RC3H2: variants seen among roughly 807,000 people sequenced by gnomAD.
RC3H2 encodes the protein roquin-2.
RC3H2 carries 31 observed loss-of-function variants against 133.3 expected under a neutral mutation model. The ratio of observed to expected loss-of-function variants is 0.23; its 90% confidence interval spans 0.17 to 0.31. RC3H2 has a LOEUF of 0.31. Among genes scored for constraint, RC3H2 ranks in the 10% least tolerant of loss-of-function variants. The probability of loss-of-function intolerance (pLI) is 1.00; values close to 1 mark genes in which losing one functional copy is unlikely to be tolerated. For synonymous variants in RC3H2, 517 were observed against 502.2 expected (o/e 1.03, Z -0.40); for missense variants, 1,175 against 1,437.2 (o/e 0.82, Z 2.95).
At chr9:122,867,325 T>G (rs1430975130) in intron 9 of RC3H2, among the ~76,000 whole-genome samples, 2 of 92,718 alleles carry the variant, frequency 2.2e-5, no homozygotes, top group Non-Finnish European at 4.6e-5. Flanking sequence ...GTCCGGGAGG[T>G]GAGGGGCGCC....
intron 10 of RC3H2, among the ~76,000 whole-genome samples, chr9:122,864,625 C>CTT (rs1172225857): frequency 2.1e-5 from 3 of 143,202 alleles, no homozygotes; most frequent in Non-Finnish European, 3.1e-5. Context: ...GAGTCCCCTC[C>CTT]TTTTTTTTTT....
At chr9:122,892,633 G>A (rs983825410) in intron 3 of RC3H2, among the ~76,000 whole-genome samples, 3 of 152,086 alleles carry the variant, frequency 2.0e-5, no homozygotes, top group East Asian at 1.9e-4. Context: ...GGATAGTCTC[G>A]ATCTTCTGAT....
At chr9:122,861,837 A>G (rs1406955504) in intron 10 of RC3H2, among the ~76,000 whole-genome samples, 1 of 152,226 alleles carries the variant, frequency 6.6e-6, no homozygotes, top group African/African-American at 2.4e-5. Flanking sequence ...AATGTAAAAA[A>G]TAACTAAGGA....
chr9:122,884,118 C>G (rs1034965970), intron 4 of RC3H2, among the ~76,000 whole-genome samples: 1 of 152,062 alleles, frequency 6.6e-6, no homozygotes, highest in Non-Finnish European at 1.5e-5. Context: ...CATGGTGAAA[C>G]CCCGCCTCTA....
At chr9:122,860,365 C>G (rs1356657120) in intron 10 of RC3H2, among the ~76,000 whole-genome samples, 2 of 151,480 alleles carry the variant, frequency 1.3e-5, no homozygotes, top group Admixed American at 6.6e-5. Flanking sequence ...AAAACGATTC[C>G]CAGATATTAA....
intron 18 of RC3H2, among the ~76,000 whole-genome samples, chr9:122,852,439 C>T (rs1239920096): frequency 9.6e-5 from 14 of 145,712 alleles, no homozygotes; most frequent in African/African-American, 1.5e-4. Flanking sequence ...CCAGCCGCCC[C>T]GTCCGGGAGG....
chr9:122,897,485 T>C lies in RC3H2; in HGVS notation c.25A>G (p.Thr9Ala). 6.2e-7 allele frequency: 1 copy of C among 1,613,782 alleles called. No homozygotes were observed. The highest frequency in any genetic ancestry group is 8.5e-7 in the Non-Finnish European group (1 of 1,179,790). The part of the protein sequence containing the change: MPVQAAQW[T>A]EFLSCPICYN... ...CAGATTGGACAGGACAGAAATTCTG[T>C]CCATTGAGCTGCCTGCACAGGCATT... The change falls in exon 2 of 21, where the codon ACA (threonine) becomes GCA (alanine). Residue 9 changes from threonine to alanine, a missense_variant. Physicochemically the swap from Thr to Ala is moderately conservative, Grantham distance 58 (BLOSUM62 0). Transcript: ENST00000357244.
chr9:122,865,620 T>C lies in RC3H2; in HGVS notation c.1363A>G (p.Arg455Gly). The C allele has an allele frequency of 6.2e-7, 1 of 1,613,646 alleles. No individual in the cohort carries two copies. Among genetic ancestry groups the C allele is most frequent in the Non-Finnish European group, 8.5e-7 (1 of 1,179,966 alleles). ...ACTTTATTTAGAAGAGGAAACGTTC[T>C]TACAGTGGCATTGATCTTTTTGTTC... ...LRNKKINATVRTFPLLNKVGV... is the reference protein window; with the variant it reads ...LRNKKINATVGTFPLLNKVGV... The change falls in exon 10 of 21, where the codon AGA becomes GGA. Residue 455 changes from arginine to glycine, a missense_variant. This residue lies in a region of RC3H2 where 490 missense variants were observed against 492.8 expected (regional missense o/e 0.99). Transcript: ENST00000357244.
At chr9:122,851,842 C>T (rs1323183882) in intron 18 of RC3H2, among the ~76,000 whole-genome samples, 1 of 152,222 alleles carries the variant, frequency 6.6e-6, no homozygotes, top group East Asian at 1.9e-4. Flanking sequence ...GATCTCGGCT[C>T]GCTACAACCT....
At position 122,859,252 on chromosome 9, in the gene RC3H2, C is replaced by T. The variant is rs1312685156; in HGVS notation, c.1850-150G>A. 5.7e-4 allele frequency: 108 copies of T among 190,824 alleles called. 2 individuals carry two copies. Among genetic ancestry groups the T allele is most frequent in the East Asian group, 2.3e-3 (8 of 3,462 alleles). 11.8% of individuals were successfully genotyped at this position (190,824 alleles called of 1,614,324 possible). ...TGCTTTATAAAGCTTTATACCCTGG[C>T]TTTTTTTTTTTTTTTTTTTTTTGGT... On this transcript the variant is annotated intron_variant, in intron 11 of 20. Transcript: ENST00000357244.
chr9:122,877,681 C>A, intron 8 of RC3H2, 98 bp from the exon 9 acceptor site: 1 of 839,000 alleles, frequency 1.2e-6, no homozygotes, highest in South Asian at 1.5e-5. Flanking sequence ...ACCTTTAATT[C>A]TTTTTCACAT....
intron 9 of RC3H2, among the ~76,000 whole-genome samples, chr9:122,875,782 GAGA>G (rs1831307820): frequency 6.6e-6 from 1 of 152,332 alleles, no homozygotes; most frequent in South Asian, 2.1e-4. Context: ...CACAAACTGA[GAGA>G]AGGTCAGTGT....
At chr9:122,866,590 G>T (rs1010096769) in intron 9 of RC3H2, among the ~76,000 whole-genome samples, 3 of 152,072 alleles carry the variant, frequency 2.0e-5, no homozygotes, top group Admixed American at 6.5e-5. Context: ...TTTTTTTGGT[G>T]AAGACGGGGT....
At chr9:122,891,393 T>C (rs1832163503) in intron 3 of RC3H2, among the ~76,000 whole-genome samples, 1 of 152,156 alleles carries the variant, frequency 6.6e-6, no homozygotes, top group Non-Finnish European at 1.5e-5. Flanking sequence ...TTTCCTAGTC[T>C]AGTGCCTTAA....
At chr9:122,887,255 A>C (rs1429920631) in intron 4 of RC3H2, among the ~76,000 whole-genome samples, 1 of 152,194 alleles carries the variant, frequency 6.6e-6, no homozygotes. Context: ...TCAATATATA[A>C]GAACTCTCCC....
chr9:122,898,718 C>A lies in RC3H2; in HGVS notation c.-67-1142G>T, dbSNP rs186490241. ...GAGCCGAGATCACGTCATCGCACTCCAGCCTGGACAAAAAGAGCGAAACTT... is the reference window on the plus strand; with the variant it reads ...GAGCCGAGATCACGTCATCGCACTCAAGCCTGGACAAAAAGAGCGAAACTT... On this transcript the variant is annotated intron_variant, in intron 1 of 20. Transcript: ENST00000357244. Among the ~76,000 whole-genome samples, 89 of 144,646 alleles carry A rather than the reference C, an allele frequency of 6.2e-4. 1 individual carries two copies. The highest frequency in any genetic ancestry group is 1.0e-3 in the Non-Finnish European group (70 of 67,100). 94.9% of individuals were successfully genotyped at this position (144,646 alleles called of 152,430 possible).
At chr9:122,890,124 G>C (rs980121545) in intron 4 of RC3H2, 188 bp downstream of exon 4, 1 of 623,356 alleles carries the variant, frequency 1.6e-6, no homozygotes, top group South Asian at 1.9e-5. Flanking sequence ...CTGGGTGACA[G>C]AGTGAGACCC....
chr9:122,903,556 T>C (rs1478289273), intron 1 of RC3H2, among the ~76,000 whole-genome samples: 5 of 152,192 alleles, frequency 3.3e-5, no homozygotes, highest in Non-Finnish European at 7.3e-5. Flanking sequence ...ACATGTCAGG[T>C]TACCACAACA....
rs1226743955 is a variant in RC3H2 at position 122,897,057 on chromosome 9, A to G, written c.231+222T>C. Among the ~76,000 whole-genome samples the G allele has an allele frequency of 2.7e-5, 4 of 150,738 alleles. 1 individual carries two copies. Among genetic ancestry groups the G allele is most frequent in the Middle Eastern group, 6.8e-3 (2 of 292 alleles). On this transcript the variant is annotated intron_variant, in intron 2 of 20. Transcript: ENST00000357244. ...AAAAAAAAAAAAAAAAAAAGGCCAC[A>G]TAAGATACACTAACACTAACGATAG... is the stretch of plus-strand genomic sequence containing the variant.
Sources: gnomAD v4.1 joint callset for allele counts (sites outside exome capture counted in the v4.1 genomes callset) on GRCh38, gnomAD v4.1.1 for gene constraint, gnomAD v4.1.1 regional missense constraint, MANE v1.5 for transcripts, NCBI Gene and HGNC (gene_info 2026-07-23, HGNC 2026-07-21) for gene names.